The following REELD1 variants were observed in gnomAD, a reference collection of about 807,000 sequenced individuals.
The protein encoded by REELD1 is reeler domain containing 1.
Under a neutral mutation model 6.3 loss-of-function variants are expected in REELD1, and 12 were observed. The observed-to-expected ratio is 1.89, with a 90% CI of 1.21 to 3.07. REELD1 has a LOEUF of 3.07. Ranked by LOEUF, REELD1 falls within the 30% of genes most tolerant of loss-of-function variation. REELD1 has a pLI of 0.00. For synonymous variants in REELD1, 57 were observed against 33.6 expected (o/e 1.70, Z -2.42); for missense variants, 163 against 86.8 (o/e 1.88, Z -3.49).
intron 5 of REELD1, 123 bp downstream of exon 5, chr4:146,224,731 C>T (rs78225612): frequency 1.3e-3 from 818 of 636,406 alleles, no homozygotes; most frequent in Admixed American, 2.4e-3. Flanking sequence ...AAACACCTGC[C>T]GTGGCCAACT....
In REELD1 at chr4:146,217,088, C is replaced by T; in HGVS notation, c.136C>T (p.Gln46Ter). Residue 46 changes from glutamine (Q) to a stop codon, truncating the protein, a stop_gained, in exon 3 of 8, where the codon CAG (glutamine) becomes TAG (stop). Coordinates refer to ENST00000623665, the MANE Select transcript of REELD1 (RefSeq NM_001354631.1). LOFTEE classifies it high-confidence loss of function. ...MQPKHIQAQP[Q>*]HQDSHHITIH... ...GCCCAAGCACATCCAAGCCCAGCCT[C>T]AGCACCAGGACAGCCACCACATCAC... is the stretch of plus-strand genomic sequence containing the variant. 2.5e-6 allele frequency: 1 copy of T among 399,678 alleles called. No individual in the cohort carries two copies. The highest frequency in any genetic ancestry group is 4.4e-6 in the Non-Finnish European group (1 of 226,772). 24.8% of individuals were successfully genotyped at this position (399,678 alleles called of 1,614,324 possible).
intron 3 of REELD1, among the ~76,000 whole-genome samples, chr4:146,217,469 C>G (rs1411671207): frequency 6.6e-6 from 1 of 152,072 alleles, no homozygotes; most frequent in African/African-American, 2.4e-5. Flanking sequence ...GTCTCGAGCT[C>G]CTGGGCTCAA....
chr4:146,224,143 A>C (rs892500138), intron 4 of REELD1, among the ~76,000 whole-genome samples: 2 of 152,214 alleles, frequency 1.3e-5, no homozygotes, highest in Non-Finnish European at 2.9e-5. Context: ...GAGTCTAAAC[A>C]GTTTGAGGAG....
chr4:146,222,098 G>T (rs879297936), intron 3 of REELD1, among the ~76,000 whole-genome samples: 2 of 151,934 alleles, frequency 1.3e-5, no homozygotes, highest in Admixed American at 1.3e-4. Flanking sequence ...GCTGGGTTTT[G>T]CTCAGAGAGG....
rs1293553946 is a variant in REELD1, at chr4:146,230,181, C to T, written c.1249C>T (p.Pro417Ser). ...AAATGGAGAGGGTGGAGTGGGATAC[C>T]CTCGGCAGACCAACCCACGGCCTGA... ...KGNGEGGVGYPRQTNPRPDIG... is the reference protein window; with the variant it reads ...KGNGEGGVGYSRQTNPRPDIG... Residue 417 changes from proline (P) to serine (S), a missense_variant, in exon 8 of 8, where the codon CCT (proline) becomes TCT (serine). Coordinates refer to ENST00000623665, the MANE Select transcript of REELD1 (RefSeq NM_001354631.1). 1 of 398,782 alleles carries T rather than the reference C, an allele frequency of 2.5e-6. No individual in the cohort carries two copies. The highest frequency in any genetic ancestry group is 4.4e-6 in the Non-Finnish European group (1 of 226,208). 24.7% of individuals were successfully genotyped at this position (398,782 alleles called of 1,614,324 possible). A position where few individuals can be genotyped will look rare whatever the true frequency, so the allele number is the denominator to read the frequency against.
At chr4:146,229,178 T>C in intron 7 of REELD1, 90 bp downstream of exon 7, 2 of 663,962 alleles carry the variant, frequency 3.0e-6, no homozygotes, top group South Asian at 3.3e-5. Flanking sequence ...GCTATTAGAC[T>C]AGTAGCCAAA....
At chr4:146,218,290 ACT>A (rs1730861072) in intron 3 of REELD1, among the ~76,000 whole-genome samples, 2 of 151,988 alleles carry the variant, frequency 1.3e-5, no homozygotes, top group Admixed American at 6.6e-5. Flanking sequence ...CACTCCCCAA[ACT>A]CACACACACT....
At chr4:146,228,021 G>A (rs981462290) in intron 5 of REELD1, among the ~76,000 whole-genome samples, 189 bp from the exon 6 acceptor site, 5 of 152,130 alleles carry the variant, frequency 3.3e-5, no homozygotes, top group African/African-American at 9.7e-5. Flanking sequence ...AAGCCCTTGC[G>A]TGGTCAGGGG....
intron 2 of REELD1, among the ~76,000 whole-genome samples, chr4:146,215,651 ATTTT>A (rs3029290): frequency 6.9e-5 from 6 of 86,668 alleles, no homozygotes; most frequent in East Asian, 3.1e-4. Flanking sequence ...AGGGGAGGGC[ATTTT>A]TTTTTTTTTT....
At chr4:146,228,173 C>A in intron 5 of REELD1, 37 bp from the exon 6 acceptor site, 1 of 681,680 alleles carries the variant, frequency 1.5e-6, no homozygotes, top group South Asian at 1.6e-5. Context: ...GGAAAATGCT[C>A]TCACTCACTC....
chr4:146,223,958 T>C (rs1321155263), intron 4 of REELD1, among the ~76,000 whole-genome samples: 2 of 152,240 alleles, frequency 1.3e-5, no homozygotes, highest in Non-Finnish European at 2.9e-5. Flanking sequence ...TACTGAAGAA[T>C]TGCTTTTCAA....
chr4:146,228,062 T>G, intron 5 of REELD1, 148 bp from the exon 6 acceptor site: 1 of 603,498 alleles, frequency 1.7e-6, no homozygotes, highest in South Asian at 2.0e-5. Context: ...ATCTTTATGC[T>G]GACACTTTTA....
chr4:146,226,473 A>G (rs1464484765), intron 5 of REELD1, among the ~76,000 whole-genome samples: 1 of 152,198 alleles, frequency 6.6e-6, no homozygotes, highest in Non-Finnish European at 1.5e-5. Flanking sequence ...GGGAAGTCCA[A>G]GATGAAGGCA....
At chr4:146,223,530 TCCTTAAA>T (rs1471202332) in intron 4 of REELD1, among the ~76,000 whole-genome samples, 1 of 152,212 alleles carries the variant, frequency 6.6e-6, no homozygotes, top group Non-Finnish European at 1.5e-5. Flanking sequence ...CTTCTTGAAG[TCCTTAAA>T]CCTGTACAGT....
chr4:146,218,959 G>A (rs1360028390), intron 3 of REELD1, among the ~76,000 whole-genome samples: 4 of 151,974 alleles, frequency 2.6e-5, no homozygotes, highest in Admixed American at 1.3e-4. Flanking sequence ...GACCAGACTG[G>A]GCAACATGGC....
At chr4:146,229,402 T>C (rs1478863432) in intron 7 of REELD1, among the ~76,000 whole-genome samples, 1 of 152,206 alleles carries the variant, frequency 6.6e-6, no homozygotes, top group Non-Finnish European at 1.5e-5. Context: ...CCATGTATGG[T>C]CCCAGAAGTT....
chr4:146,222,048 A>G (rs538945401), intron 3 of REELD1, among the ~76,000 whole-genome samples: 5 of 152,266 alleles, frequency 3.3e-5, no homozygotes, highest in African/African-American at 1.2e-4. Context: ...CATATTTTAA[A>G]AAAGTATAGC....
chr4:146,227,693 G>A (rs1350659895), intron 5 of REELD1, among the ~76,000 whole-genome samples: 1 of 152,224 alleles, frequency 6.6e-6, no homozygotes, highest in Non-Finnish European at 1.5e-5. Context: ...GCTCTGGGCT[G>A]TCAGGTTAGC....
chr4:146,217,750 T>C (rs1170595597), intron 3 of REELD1, among the ~76,000 whole-genome samples: 1 of 152,218 alleles, frequency 6.6e-6, no homozygotes, highest in Admixed American at 6.5e-5. Context: ...ACAACCTTCA[T>C]GTATCATCTA....
Sources: allele counts gnomAD v4.1 joint callset (sites outside exome capture counted in the v4.1 genomes callset), GRCh38; gene constraint gnomAD v4.1.1; transcripts MANE v1.5; gene names NCBI Gene and HGNC (gene_info 2026-07-23, HGNC 2026-07-21).